Variants in OSBPL10 observed in about 807,000 individuals in gnomAD.
The protein encoded by OSBPL10 is oxysterol-binding protein-related protein 10.
In OSBPL10, 49 loss-of-function variants were observed where a neutral mutation model predicts 81.7. That is an observed-to-expected ratio of 0.60 (90% CI 0.48 to 0.76). The LOEUF (loss-of-function observed/expected upper bound fraction) is 0.76, where lower values mean the gene tolerates loss of function less well. OSBPL10 is among the 30% of genes least tolerant of loss of function. OSBPL10 has a pLI of 0.00. For synonymous variants in OSBPL10, 419 were observed against 383.6 expected (o/e 1.09, Z -1.08); for missense variants, 923 against 987.8 (o/e 0.93, Z 0.88).
At chr3:32,042,104 T>C (rs1461820723) in intron 2 of OSBPL10, among the ~76,000 whole-genome samples, 4 of 152,146 alleles carry the variant, frequency 2.6e-5, no homozygotes, top group African/African-American at 9.7e-5. Flanking sequence ...GGAGAGACCA[T>C]AGGTAGGTTT....
intron 4 of OSBPL10, among the ~76,000 whole-genome samples, chr3:31,769,702 G>A (rs1011570516): frequency 2.0e-5 from 3 of 151,724 alleles, no homozygotes; most frequent in Admixed American, 6.6e-5. Context: ...AGATGGAGAC[G>A]CCATATAGGC....
intron 2 of OSBPL10, among the ~76,000 whole-genome samples, chr3:31,993,391 A>G (rs1411932232): frequency 6.6e-6 from 1 of 151,872 alleles, no homozygotes; most frequent in Non-Finnish European, 1.5e-5. Flanking sequence ...TATTTTTAGT[A>G]GAGACAGGGT....
chr3:31,742,687 A>G (rs9826527), intron 5 of OSBPL10, among the ~76,000 whole-genome samples: 70,733 of 151,994 alleles, frequency 0.47, 18,037 homozygotes, highest in East Asian at 0.78. Context: ...AAACCATGTT[A>G]CCTAGACTAA....
chr3:32,060,019 G>A (rs1038091636), intron 1 of OSBPL10, among the ~76,000 whole-genome samples: 5 of 151,992 alleles, frequency 3.3e-5, no homozygotes, highest in African/African-American at 1.2e-4. Context: ...CACTGGTAAT[G>A]TTCTGTGATC....
intron 1 of OSBPL10, among the ~76,000 whole-genome samples, chr3:31,884,176 A>G (rs4438696): frequency 0.73 from 110,352 of 152,178 alleles, 40,693 homozygotes; most frequent in East Asian, 0.87. Context: ...CATTATATAG[A>G]ATATAGGGAC....
At chr3:31,992,982 A>T (rs909205869) in intron 2 of OSBPL10, among the ~76,000 whole-genome samples, 2 of 152,148 alleles carry the variant, frequency 1.3e-5, no homozygotes, top group Non-Finnish European at 2.9e-5. Context: ...CAGCCCAGGC[A>T]ATAGAGCAAG....
chr3:31,970,102 C>A (rs917004946), intron 1 of OSBPL10, among the ~76,000 whole-genome samples: 9 of 152,106 alleles, frequency 5.9e-5, no homozygotes, highest in Admixed American at 5.9e-4. Flanking sequence ...CCGTGCTCCA[C>A]AATTTATTAA....
chr3:31,860,442 G>A (rs113220234), intron 3 of OSBPL10, among the ~76,000 whole-genome samples: 3 of 152,260 alleles, frequency 2.0e-5, no homozygotes, highest in African/African-American at 7.2e-5. Flanking sequence ...ATTTACTATG[G>A]GAGAAGAATG....
intron 8 of OSBPL10, among the ~76,000 whole-genome samples, chr3:31,672,870 T>C (rs1428108909): frequency 6.6e-6 from 1 of 152,144 alleles, no homozygotes; most frequent in Non-Finnish European, 1.5e-5. Flanking sequence ...TGGGCTGGAC[T>C]GGAGGGCAGG....
chr3:32,054,284 A>G (rs1417972443), intron 1 of OSBPL10, among the ~76,000 whole-genome samples: 2 of 152,188 alleles, frequency 1.3e-5, no homozygotes, highest in East Asian at 1.9e-4. Context: ...TAGGTCCCCT[A>G]AAGTCCAAAA....
chr3:31,981,388 C>A, upstream of OSBPL10: 1 of 816,408 alleles, frequency 1.2e-6, no homozygotes, highest in Non-Finnish European at 1.6e-6. The surrounding 1 kb of genome is among the most constrained non-coding windows in gnomAD (Gnocchi z 4.5). Flanking sequence ...TGCGGCCGCC[C>A]CTCCTCCCGC....
At chr3:31,820,267 TAAGA>T (rs1699948136) in intron 4 of OSBPL10, among the ~76,000 whole-genome samples, 1 of 152,242 alleles carries the variant, frequency 6.6e-6, no homozygotes, top group African/African-American at 2.4e-5. Context: ...GTCATGCCCT[TAAGA>T]AAGAAGGTTA....
At chr3:32,055,768 T>G (rs78118184) in intron 1 of OSBPL10, among the ~76,000 whole-genome samples, 2,778 of 151,704 alleles carry the variant, frequency 0.018, 75 homozygotes, top group East Asian at 0.088. Context: ...ACTGGCCACA[T>G]ATCTCATCTA....
At chr3:31,823,844 ATGTG>A (rs10588069) in intron 4 of OSBPL10, among the ~76,000 whole-genome samples, 11 of 148,342 alleles carry the variant, frequency 7.4e-5, no homozygotes, top group Admixed American at 2.0e-4. Flanking sequence ...GTATGTGTGT[ATGTG>A]TGTGTGTGTG....
chr3:31,903,090 T>C (rs1471188433), intron 1 of OSBPL10, among the ~76,000 whole-genome samples: 1 of 152,132 alleles, frequency 6.6e-6, no homozygotes, highest in South Asian at 2.1e-4. Flanking sequence ...CCACAGCAAA[T>C]AGCATTTGCA....
chr3:31,921,239 A>C (rs1429975255), intron 1 of OSBPL10, among the ~76,000 whole-genome samples: 1 of 152,220 alleles, frequency 6.6e-6, no homozygotes, highest in Non-Finnish European at 1.5e-5. Context: ...ACACACATGT[A>C]CTTTTTTTAT....
chr3:31,985,527 G>C (rs73823918), upstream of OSBPL10, among the ~76,000 whole-genome samples: 1,013 of 152,272 alleles, frequency 6.7e-3, 8 homozygotes, highest in African/African-American at 0.023. Context: ...TGGACCTGGA[G>C]GGCTGGTCTG....
chr3:31,883,738 GC>G (rs933560578), intron 1 of OSBPL10, among the ~76,000 whole-genome samples: 2 of 151,772 alleles, frequency 1.3e-5, no homozygotes, highest in African/African-American at 4.8e-5. Context: ...CGCCATGTTG[GC>G]CAGGCAGGTC....
chr3:32,056,170 C>T (rs1699710970), intron 1 of OSBPL10, among the ~76,000 whole-genome samples: 1 of 152,090 alleles, frequency 6.6e-6, no homozygotes, highest in Admixed American at 6.5e-5. Flanking sequence ...CCATGATACA[C>T]CTGTTTATTA....
Sources: allele counts gnomAD v4.1 joint callset (sites outside exome capture counted in the v4.1 genomes callset), GRCh38; gene constraint gnomAD v4.1.1; non-coding constraint Gnocchi (gnomAD v3.1); transcripts MANE v1.5; gene names NCBI Gene and HGNC (gene_info 2026-07-23, HGNC 2026-07-21).